TMEM50B: variants seen among roughly 807,000 people sequenced by gnomAD.
The protein encoded by TMEM50B is HCV p7-trans-regulated protein 3.
A neutral mutation model predicts 23.4 loss-of-function variants in TMEM50B; 14 were observed. That is an observed-to-expected ratio of 0.60 (90% CI 0.39 to 0.93). The LOEUF (loss-of-function observed/expected upper bound fraction) is 0.93. Ranked by LOEUF, TMEM50B falls within the 40% of genes least tolerant of loss-of-function variation. The pLI, the probability that TMEM50B is intolerant of heterozygous loss-of-function variation, is 0.00. For missense variants in TMEM50B, 159 were observed against 193.0 expected, an observed-to-expected ratio of 0.82 and a Z score of 1.04; for synonymous variants, 64 against 62.3, an observed-to-expected ratio of 1.03 and a Z score of -0.13.
chr21:33,467,024 T>C lies in TMEM50B; in HGVS notation c.198A>G (p.Thr66=). 1.2e-6 allele frequency: 2 copies of C among 1,613,754 alleles called. No homozygotes were observed. The highest frequency in any genetic ancestry group is 8.5e-7 in the Non-Finnish European group (1 of 1,179,772). The change falls in exon 3 of 7, where the codon ACA becomes ACG. Residue 66 remains threonine (T), a synonymous_variant. Transcript: ENST00000542230. The stretch of plus-strand genomic sequence containing the variant: ...TTCATACTTACATGAAGAAAGCCAA[T>C]GTGGAAAATACACCACATGTGTGAA... ...HAFHTCGVFS[T]LAFFMINAVS...
intron 4 of TMEM50B, 92 bp downstream of exon 4, chr21:33,465,250 C>T: frequency 1.2e-6 from 1 of 807,846 alleles, no homozygotes; most frequent in South Asian, 1.7e-5. Flanking sequence ...TAATCATTAC[C>T]AGTCTTGAAT....
chr21:33,442,024 T>C (rs74275617), intron 7 of TMEM50B, among the ~76,000 whole-genome samples: 2 of 30,426 alleles, frequency 6.6e-5, no homozygotes, highest in Non-Finnish European at 9.9e-5. Flanking sequence ...TGTTTGCTTG[T>C]TTGTTTGAAG....
At position 33,457,657 on chromosome 21, in the gene TMEM50B, A is replaced by G. The variant is rs956623824; in HGVS notation, c.374-1873T>C. Reference sequence around the variant, plus strand: ...CAAGAGTGAAACTCCAACTCAAAAAAAAAAAAAAAAATACACTCAACAATA... The same window carrying G: ...CAAGAGTGAAACTCCAACTCAAAAAGAAAAAAAAAAATACACTCAACAATA... On this transcript the variant is annotated intron_variant, in intron 5 of 6. Transcript: ENST00000542230. 5.3e-5 allele frequency among the ~76,000 whole-genome samples: 8 copies of G among 152,202 alleles called. No individual in the cohort carries two copies. The East Asian group carries it at 1.5e-3, about 29-fold the overall frequency.
rs1174867211 is a variant in TMEM50B at position 33,474,953 on chromosome 21, GTCTC to G, written c.-42+4881_-42+4884del. Among the ~76,000 whole-genome samples the G allele has an allele frequency of 4.6e-5, 7 of 150,928 alleles. No individual in the cohort carries two copies. In the South Asian group the frequency reaches 1.5e-3, roughly 32 times the overall value. ...CCACCGCCACCACCCCCAAGACAGA[GTCTC>G]TCTCTGTCACCCAGGATGGAGTGCA... is the stretch of plus-strand genomic sequence containing the variant. On this transcript the variant is annotated intron_variant, in intron 1 of 6. Transcript: ENST00000542230.
At chr21:33,435,053 TC>T (rs1249343390) in intron 8 of TMEM50B, among the ~76,000 whole-genome samples, 2 of 152,196 alleles carry the variant, frequency 1.3e-5, no homozygotes, top group Non-Finnish European at 2.9e-5. Flanking sequence ...TTGGTTTTGT[TC>T]CTCTTTCAGT....
chr21:33,437,357 G>C, intron 8 of TMEM50B: 1 of 214,764 alleles, frequency 4.7e-6, no homozygotes, highest in South Asian at 6.8e-5. Context: ...CCTTGGGCAG[G>C]TCACACAACC....
intron 6 of TMEM50B, among the ~76,000 whole-genome samples, chr21:33,454,370 C>T (rs2084149962): frequency 6.6e-6 from 1 of 152,064 alleles, no homozygotes; most frequent in African/African-American, 2.4e-5. Context: ...ACTATCTCGA[C>T]TCACTCCAAC....
chr21:33,442,001 AG>A (rs1342954544), intron 7 of TMEM50B, among the ~76,000 whole-genome samples: 1 of 114,104 alleles, frequency 8.8e-6, no homozygotes, highest in Non-Finnish European at 1.7e-5. Context: ...TCTATTTGTC[AG>A]GGTTTTTTAT....
In TMEM50B at chr21:33,460,440, T is replaced by C; in HGVS notation, c.346A>G (p.Ile116Val). ...MFGSLIASMW[I>V]LFGAYVTQNT... ...TGGGTAACATATGCACCAAAAAGAA[T>C]CCACATGGAAGCAATAAGTGACCCA... Residue 116 changes from isoleucine (I) to valine (V), a missense_variant, in exon 5 of 7, where the codon ATT becomes GTT. Coordinates refer to ENST00000542230, the MANE Select transcript of TMEM50B (RefSeq NM_006134.7). 6.2e-7 allele frequency: 1 copy of C among 1,610,956 alleles called. No individual in the cohort carries two copies. The highest frequency in any genetic ancestry group is 8.5e-7 in the Non-Finnish European group (1 of 1,178,538).
intron 5 of TMEM50B, among the ~76,000 whole-genome samples, chr21:33,458,882 C>T (rs1000280629): frequency 6.6e-6 from 1 of 152,130 alleles, no homozygotes. Context: ...TTATTTAAGC[C>T]AACCACTGTC....
intron 8 of TMEM50B, among the ~76,000 whole-genome samples, chr21:33,436,313 C>T (rs1406043706): frequency 6.6e-6 from 1 of 150,578 alleles, no homozygotes; most frequent in Admixed American, 6.6e-5. Context: ...TGGGCAACAA[C>T]GTGAAACTCC....
At chr21:33,457,791 G>T (rs1293741437) in intron 5 of TMEM50B, among the ~76,000 whole-genome samples, 1 of 152,058 alleles carries the variant, frequency 6.6e-6, no homozygotes, top group African/African-American at 2.4e-5. Context: ...AACTGCTAAA[G>T]TAAATAAGCA....
Position 33,436,695 on chromosome 21 carries a change from C to T in TMEM50B, c.*2120+2519G>A, listed in dbSNP as rs941491369. On this transcript the variant is annotated intron_variant and NMD_transcript_variant, in intron 8 of 8. Transcript: ENST00000420455. Reference sequence around the variant, plus strand: ...TGAGATCACACCACTATACTCCAGCCTAGGCAAGAGTAAGACTCCATCTCA... The same window carrying T: ...TGAGATCACACCACTATACTCCAGCTTAGGCAAGAGTAAGACTCCATCTCA... 3.8e-5 allele frequency: 26 copies of T among 681,776 alleles called. No homozygotes were observed. In the African/African-American group the frequency reaches 4.2e-4, roughly 11 times the overall value. 42.2% of individuals were successfully genotyped at this position (681,776 alleles called of 1,614,324 possible).
In TMEM50B at chr21:33,441,839, C is replaced by T. The variant is rs545931592; in HGVS notation, c.*2037-2542G>A. On this transcript the variant is annotated intron_variant and NMD_transcript_variant, in intron 7 of 8. Coordinates refer to the TMEM50B transcript ENST00000420455. ...AGAGATGGGATTTTGCCATGTTGCC[C>T]AGGCTGGTCTTGAACTCCTGACCTC... Among the ~76,000 whole-genome samples, 7 of 152,252 alleles carry T rather than the reference C, an allele frequency of 4.6e-5. No individual in the cohort carries two copies. In the East Asian group the frequency reaches 1.4e-3, roughly 29 times the overall value.
At chr21:33,436,750 A>T in intron 8 of TMEM50B, 2 of 1,195,432 alleles carry the variant, frequency 1.7e-6, no homozygotes, top group South Asian at 1.4e-5. Context: ...AATAAAATAA[A>T]AACAAAAACT....
downstream of TMEM50B, among the ~76,000 whole-genome samples, chr21:33,444,302 C>T (rs554511854): frequency 9.5e-4 from 145 of 152,290 alleles, no homozygotes; most frequent in African/African-American, 3.4e-3. Flanking sequence ...AATCCTAGCA[C>T]TTTGGGAAGT....
chr21:33,455,588 G>A lies in TMEM50B; in HGVS notation c.431+139C>T, dbSNP rs2084161625. The stretch of plus-strand genomic sequence containing the variant: ...GGCCTCTCTGCTCTTATGTAACAGT[G>A]GAATTCTCACCTTTTAAAAGAAGTT... On this transcript the variant is annotated intron_variant, in intron 6 of 6. Coordinates refer to ENST00000542230, the MANE Select transcript of TMEM50B (RefSeq NM_006134.7). The A allele has an allele frequency of 4.1e-6, 3 of 733,830 alleles. No individual in the cohort carries two copies. The South Asian group carries it at 5.2e-5, about 13-fold the overall frequency. 45.5% of individuals were successfully genotyped at this position (733,830 alleles called of 1,614,324 possible).
chr21:33,469,918 A>G (rs577815329), intron 1 of TMEM50B, among the ~76,000 whole-genome samples: 22 of 152,336 alleles, frequency 1.4e-4, no homozygotes, highest in African/African-American at 4.6e-4. Context: ...TCTAATAAAC[A>G]TAATAAAATG....
chr21:33,462,618 G>A (rs1396925238), intron 4 of TMEM50B, among the ~76,000 whole-genome samples: 2 of 152,040 alleles, frequency 1.3e-5, no homozygotes, highest in African/African-American at 2.4e-5. Flanking sequence ...GCTTTTCTGC[G>A]TCATGATCAT....
Sources: allele counts gnomAD v4.1 joint callset (sites outside exome capture counted in the v4.1 genomes callset), GRCh38; gene constraint gnomAD v4.1.1; transcripts MANE v1.5; gene names NCBI Gene and HGNC (gene_info 2026-07-23, HGNC 2026-07-21).